ACCSL: variants seen among roughly 807,000 people sequenced by gnomAD.
ACCSL encodes the protein probable inactive 1-aminocyclopropane-1-carboxylate synthase-like protein 2.
A neutral mutation model predicts 61.7 loss-of-function variants in ACCSL; 55 were observed. That is an observed-to-expected ratio of 0.89 (90% CI 0.72 to 1.12). The LOEUF (loss-of-function observed/expected upper bound fraction) is 1.12, where lower values mean the gene tolerates loss of function less well. ACCSL is among the 50% of genes most tolerant of loss of function. The pLI is 0.00. For synonymous variants in ACCSL, 258 were observed against 264.3 expected, an observed-to-expected ratio of 0.98 and a Z score of 0.23; for missense variants, 632 against 698.0, an observed-to-expected ratio of 0.91 and a Z score of 1.07.
the ACCSL span, among the ~76,000 whole-genome samples, chr11:43,932,386 G>GC: frequency 1.3e-5 from 2 of 152,122 alleles, no homozygotes; most frequent in African/African-American, 4.8e-5. Context: ...TCCTACCCTA[G>GC]CCCCCCGAGC....
the ACCSL span, among the ~76,000 whole-genome samples, chr11:43,955,256 G>A: frequency 4.6e-5 from 7 of 152,226 alleles, no homozygotes; most frequent in South Asian, 1.0e-3. Context: ...CGTGGTCATG[G>A]ACTGTCTTAT....
the ACCSL span, among the ~76,000 whole-genome samples, chr11:43,924,789 G>A: frequency 1.3e-5 from 2 of 152,212 alleles, no homozygotes; most frequent in African/African-American, 4.8e-5. Flanking sequence ...GGGCCCCCTA[G>A]GGGTGAACCC....
chr11:44,021,167 T>C, the ACCSL span, among the ~76,000 whole-genome samples: 1 of 152,222 alleles, frequency 6.6e-6, no homozygotes, highest in Non-Finnish European at 1.5e-5. Flanking sequence ...ATGGTAGCTC[T>C]AGTTTTAGTT....
the ACCSL span, among the ~76,000 whole-genome samples, chr11:44,042,118 A>T: frequency 6.6e-6 from 1 of 152,220 alleles, no homozygotes; most frequent in African/African-American, 2.4e-5. Flanking sequence ...TAATCTACTC[A>T]TAGGTGAAAT....
the ACCSL span, among the ~76,000 whole-genome samples, chr11:43,991,871 G>T: frequency 1.3e-5 from 2 of 151,800 alleles, no homozygotes. Context: ...TGATAATCAG[G>T]CCACCCCAAG....
chr11:43,942,035 C>CGTGTGTGT, the ACCSL span, among the ~76,000 whole-genome samples: 3 of 89,618 alleles, frequency 3.3e-5, no homozygotes, highest in East Asian at 5.7e-4. Flanking sequence ...TGCATTCGTG[C>CGTGTGTGT]GTGTGTGTGT....
At chr11:43,952,908 A>G in the ACCSL span, among the ~76,000 whole-genome samples, 8 of 152,204 alleles carry the variant, frequency 5.3e-5, no homozygotes, top group Non-Finnish European at 1.0e-4. Context: ...CGGGTTGGCC[A>G]TATTTGCCAA....
the ACCSL span, among the ~76,000 whole-genome samples, chr11:44,017,268 G>T: frequency 6.6e-6 from 1 of 152,204 alleles, no homozygotes; most frequent in Non-Finnish European, 1.5e-5. Context: ...TAGGTTAGAA[G>T]AAGGGAGCAG....
At chr11:44,024,439 CTCTGTG>C in the ACCSL span, among the ~76,000 whole-genome samples, 547 of 48,922 alleles carry the variant, frequency 0.011, 3 homozygotes, top group African/African-American at 0.017. Context: ...CTCTCTCTCT[CTCTGTG>C]TGTGTGTGTG....
chr11:44,054,050 G>A (rs962617671), intron 8 of ACCSL, among the ~76,000 whole-genome samples: 1 of 152,140 alleles, frequency 6.6e-6, no homozygotes, highest in African/African-American at 2.4e-5. Flanking sequence ...TTTGTTTTCT[G>A]AGAAATATGT....
At chr11:43,957,305 G>T in the ACCSL span, among the ~76,000 whole-genome samples, 1 of 151,776 alleles carries the variant, frequency 6.6e-6, no homozygotes, top group Admixed American at 6.6e-5. Flanking sequence ...CTCAAAGTGG[G>T]GTGGGGTGGG....
chr11:44,049,265 C>G (rs572058648), intron 1 of ACCSL, among the ~76,000 whole-genome samples: 1 of 151,852 alleles, frequency 6.6e-6, no homozygotes, highest in African/African-American at 2.4e-5. Flanking sequence ...ACAAAAAATA[C>G]AAAAACTAGC....
At chr11:44,030,765 TC>T in the ACCSL span, among the ~76,000 whole-genome samples, 1 of 152,142 alleles carries the variant, frequency 6.6e-6, no homozygotes, top group East Asian at 1.9e-4. Context: ...CTTGTTTGTG[TC>T]AATAGGATGG....
At chr11:43,972,636 G>T in the ACCSL span, among the ~76,000 whole-genome samples, 6 of 152,192 alleles carry the variant, frequency 3.9e-5, no homozygotes, top group African/African-American at 1.4e-4. Context: ...TGGTGTCAGG[G>T]CTAAACCCAG....
At chr11:44,016,281 G>A in the ACCSL span, among the ~76,000 whole-genome samples, 1 of 152,186 alleles carries the variant, frequency 6.6e-6, no homozygotes, top group Non-Finnish European at 1.5e-5. Flanking sequence ...CAGGTTGCCG[G>A]GTGGTGGCTG....
At chr11:44,023,041 C>CTTTTTTTTTTTTTTTTTTTTTTT in the ACCSL span, among the ~76,000 whole-genome samples, 4 of 86,448 alleles carry the variant, frequency 4.6e-5, no homozygotes, top group Admixed American at 1.4e-4. Flanking sequence ...TCTTCTTCTT[C>CTTTTTTTTTTTTTTTTTTTTTTT]TTTTTTTTTT....
chr11:43,933,039 C>T, the ACCSL span: 1 of 455,088 alleles, frequency 2.2e-6, no homozygotes, highest in African/African-American at 2.0e-5. Context: ...ACCTCTGACC[C>T]TCTTGCTTCT....
the ACCSL span, among the ~76,000 whole-genome samples, chr11:43,992,693 G>A: frequency 6.6e-6 from 1 of 152,222 alleles, no homozygotes; most frequent in Non-Finnish European, 1.5e-5. Flanking sequence ...GCATTGGCAA[G>A]TGCCATCCCC....
rs894125330 is a variant in ACCSL, at chr11:44,053,129, T to C, written c.948+61T>C. 5 of 1,461,278 alleles carry C rather than the reference T, an allele frequency of 3.4e-6. No homozygotes were observed. The African/African-American group carries it at 5.6e-5, about 16-fold the overall frequency. The allele number at this position is 1,461,278 out of a possible 1,614,324, so 90.5% of individuals were successfully genotyped here. On this transcript the variant is annotated intron_variant, in intron 7 of 13. Coordinates refer to ENST00000378832, the MANE Select transcript of ACCSL (RefSeq NM_001031854.2). ...CTGGTCCTAAAAGGGGTTTGAGTAT[T>C]GAAATTCTGGTACTGCTTATTCACC...
Sources: gnomAD v4.1 joint callset for allele counts (sites outside exome capture counted in the v4.1 genomes callset) on GRCh38, gnomAD v4.1.1 for gene constraint, MANE v1.5 for transcripts, NCBI Gene and HGNC (gene_info 2026-07-23, HGNC 2026-07-21) for gene names.